ASNS: variants seen among roughly 807,000 people sequenced by gnomAD.
ASNS encodes the protein asparagine synthetase (glutamine-hydrolyzing).
In ASNS, 37 loss-of-function variants were observed where a neutral mutation model predicts 62.6. The observed-to-expected ratio is 0.59, with a 90% CI of 0.45 to 0.78. The LOEUF is 0.78. ASNS is among the 30% of genes least tolerant of loss of function. The pLI, the probability that ASNS is intolerant of heterozygous loss-of-function variation, is 0.00. For missense variants in ASNS, 520 were observed against 682.4 expected (o/e 0.76, Z 2.65); for synonymous variants, 207 against 237.9 (o/e 0.87, Z 1.19).
the ASNS span, among the ~76,000 whole-genome samples, chr7:97,927,398 G>C: frequency 6.6e-6 from 1 of 152,332 alleles, no homozygotes; most frequent in East Asian, 1.9e-4. Flanking sequence ...CAGGCAATGG[G>C]GCCTGTTGAC....
At chr7:97,858,633 C>T (rs1442284620) in intron 6 of ASNS, among the ~76,000 whole-genome samples, 1 of 152,202 alleles carries the variant, frequency 6.6e-6, no homozygotes, top group Admixed American at 6.5e-5. Context: ...AGAACATTCA[C>T]TGACTCACTC....
chr7:97,925,206 T>A, the ASNS span, among the ~76,000 whole-genome samples: 1 of 152,216 alleles, frequency 6.6e-6, no homozygotes, highest in East Asian at 1.9e-4. Context: ...TCTCAGTAAA[T>A]CCCATATAAC....
Position 97,869,813 on chromosome 7 carries a change from T to A in ASNS, c.-59A>T, listed in dbSNP as rs1216017728. Reference sequence around the variant, plus strand: ...TTTATTCAGATGTGATTGAAGAAAATCTAAAGGGAAAAAAAAAACAATTTA... The same window carrying A: ...TTTATTCAGATGTGATTGAAGAAAAACTAAAGGGAAAAAAAAAACAATTTA... On this transcript the variant is annotated splice_region_variant and 5_prime_UTR_variant, in exon 2 of 13. Coordinates refer to ENST00000394308, the MANE Select transcript of ASNS (RefSeq NM_001673.5). The A allele has an allele frequency of 8.2e-6, 1 of 121,802 alleles. No homozygotes were observed. Among genetic ancestry groups the A allele is most frequent in the African/African-American group, 3.1e-5 (1 of 32,706 alleles). The allele number at this position is 121,802 out of a possible 1,614,324, so 7.5% of individuals were successfully genotyped here.
upstream of ASNS, among the ~76,000 whole-genome samples, chr7:97,873,226 G>A (rs1313466457): frequency 1.3e-5 from 2 of 152,198 alleles, no homozygotes; most frequent in Admixed American, 1.3e-4. Context: ...TCTCTTTGAT[G>A]AAGAAAAGAC....
At chr7:97,898,398 G>A in the ASNS span, 11 of 513,528 alleles carry the variant, frequency 2.1e-5, no homozygotes, top group Non-Finnish European at 3.2e-5. Flanking sequence ...TTTAGCATGT[G>A]TCTCGTCCCT....
chr7:97,911,460 G>A, the ASNS span, among the ~76,000 whole-genome samples: 2 of 149,476 alleles, frequency 1.3e-5, no homozygotes, highest in Non-Finnish European at 3.0e-5. Flanking sequence ...TAGGCAACAT[G>A]GTGAAACCTC....
At chr7:97,890,854 A>G in the ASNS span, among the ~76,000 whole-genome samples, 2 of 152,244 alleles carry the variant, frequency 1.3e-5, no homozygotes, top group Admixed American at 6.5e-5. Context: ...TGTTTAAGGG[A>G]GTCCTACATT....
chr7:97,910,621 T>TC, the ASNS span, among the ~76,000 whole-genome samples: 2 of 150,746 alleles, frequency 1.3e-5, no homozygotes, highest in Non-Finnish European at 3.0e-5. Context: ...TTTTTTTTTT[T>TC]CCAGAGTCTC....
upstream of ASNS, among the ~76,000 whole-genome samples, chr7:97,876,014 G>A (rs749956693): frequency 1.3e-5 from 2 of 151,952 alleles, no homozygotes; most frequent in Non-Finnish European, 2.9e-5. Flanking sequence ...CCACCACCAC[G>A]CCTGGCTAAG....
At chr7:97,899,899 T>C in the ASNS span, among the ~76,000 whole-genome samples, 1 of 152,242 alleles carries the variant, frequency 6.6e-6, no homozygotes. Flanking sequence ...TGTGTGGACC[T>C]GTGCTTTCAT....
At position 97,854,694 on chromosome 7, in the gene ASNS, A is replaced by G; in HGVS notation, c.1138-14T>C. The G allele has an allele frequency of 6.2e-7, 1 of 1,613,972 alleles. No homozygotes were observed. The highest frequency in any genetic ancestry group is 8.5e-7 in the Non-Finnish European group (1 of 1,179,954). ...AGGAGAAGGAGCCTATTTCACAAAC[A>G]AAAACACCAAGAGTTTTGCTTTTGG... On this transcript the variant is annotated splice_polypyrimidine_tract_variant and intron_variant, in intron 9 of 12. Coordinates refer to ENST00000394308, the MANE Select transcript of ASNS (RefSeq NM_001673.5).
chr7:97,897,283 C>G, the ASNS span, among the ~76,000 whole-genome samples: 2 of 152,072 alleles, frequency 1.3e-5, no homozygotes, highest in African/African-American at 2.4e-5. Context: ...AATGTAAAAC[C>G]CATAACTATA....
the ASNS span, among the ~76,000 whole-genome samples, chr7:97,901,218 T>C: frequency 6.6e-6 from 1 of 152,098 alleles, no homozygotes; most frequent in African/African-American, 2.4e-5. Flanking sequence ...TTTTTTGACA[T>C]GGAATCTCGC....
intron 9 of ASNS, 116 bp from the exon 10 acceptor site, chr7:97,854,796 G>A: frequency 6.5e-7 from 1 of 1,546,616 alleles, no homozygotes; most frequent in South Asian, 1.2e-5. Flanking sequence ...ATTTAGGGAA[G>A]GGAGTAAATA....
chr7:97,882,182 C>T, the ASNS span, among the ~76,000 whole-genome samples: 9 of 152,258 alleles, frequency 5.9e-5, no homozygotes, highest in African/African-American at 2.2e-4. Flanking sequence ...GACTTTCCCC[C>T]TCCAGAAAAT....
chr7:97,896,737 C>CATATATATATATATATATAT, the ASNS span, among the ~76,000 whole-genome samples: 107 of 30,422 alleles, frequency 3.5e-3, no homozygotes, highest in Non-Finnish European at 6.2e-3. Context: ...CACACACACA[C>CATATATATATATATATATAT]ACACATATAT....
chr7:97,899,028 A>T, the ASNS span: 2 of 689,574 alleles, frequency 2.9e-6, no homozygotes, highest in Non-Finnish European at 5.3e-6. Flanking sequence ...CTTTCACATC[A>T]TACTGATCTT....
chr7:97,919,785 G>C, the ASNS span, among the ~76,000 whole-genome samples: 4 of 152,196 alleles, frequency 2.6e-5, no homozygotes, highest in South Asian at 2.1e-4. Flanking sequence ...AACTAGAACA[G>C]GGCGCCACAC....
At chr7:97,924,201 C>T in the ASNS span, among the ~76,000 whole-genome samples, 32 of 152,254 alleles carry the variant, frequency 2.1e-4, 1 homozygote, top group South Asian at 6.4e-3. Context: ...CCAGTGTGTA[C>T]CCTGCCCCTC....
Sources: gnomAD v4.1 joint callset for allele counts (sites outside exome capture counted in the v4.1 genomes callset) on GRCh38, gnomAD v4.1.1 for gene constraint, MANE v1.5 for transcripts, NCBI Gene and HGNC (gene_info 2026-07-23, HGNC 2026-07-21) for gene names.